Variants in SLC35D4 observed in about 807,000 individuals in gnomAD.
SLC35D4 encodes UDP-N-acetylglucosamine transporter SLC35D4.
the SLC35D4 span, among the ~76,000 whole-genome samples, chr18:23,410,547 G>A: frequency 3.3e-5 from 5 of 150,002 alleles, no homozygotes; most frequent in East Asian, 8.0e-4. Flanking sequence ...GCTCACGCCT[G>A]TAATCCCAGC....
At chr18:23,241,827 G>GAA in the SLC35D4 span, among the ~76,000 whole-genome samples, 3 of 152,178 alleles carry the variant, frequency 2.0e-5, no homozygotes, top group African/African-American at 7.2e-5. Flanking sequence ...CTTAGAGTGG[G>GAA]AAGCTTCCAG....
chr18:23,243,880 A>G, the SLC35D4 span, among the ~76,000 whole-genome samples: 13 of 152,128 alleles, frequency 8.5e-5, 1 homozygote, highest in East Asian at 3.9e-4. Flanking sequence ...TTCAAAAAAA[A>G]AAAAAAAAAA....
chr18:23,421,952 T>G, the SLC35D4 span, among the ~76,000 whole-genome samples: 1 of 151,746 alleles, frequency 6.6e-6, no homozygotes, highest in East Asian at 1.9e-4. Flanking sequence ...GCTGGCATTA[T>G]AGGCTTGAGC....
At chr18:23,411,150 A>AGGAAGGAG in the SLC35D4 span, among the ~76,000 whole-genome samples, 210 of 141,050 alleles carry the variant, frequency 1.5e-3, no homozygotes, top group Non-Finnish European at 2.8e-3. Context: ...GAAGGAAGGA[A>AGGAAGGAG]GGAAGGAGGG....
At chr18:23,309,280 C>G in the SLC35D4 span, among the ~76,000 whole-genome samples, 1 of 150,812 alleles carries the variant, frequency 6.6e-6, no homozygotes, top group Non-Finnish European at 1.5e-5. Context: ...GTTTACTAAA[C>G]ATTACATATT....
chr18:23,375,146 AAATAAT>A, the SLC35D4 span, among the ~76,000 whole-genome samples: 1 of 150,294 alleles, frequency 6.7e-6, no homozygotes, highest in Non-Finnish European at 1.5e-5. Flanking sequence ...ATAAATAAAT[AAATAAT>A]AATAATAATA....
chr18:23,434,045 C>T, the SLC35D4 span, among the ~76,000 whole-genome samples: 1 of 152,150 alleles, frequency 6.6e-6, no homozygotes, highest in Non-Finnish European at 1.5e-5. Flanking sequence ...TTGGCCTCTA[C>T]TTAGTCCAAG....
the SLC35D4 span, among the ~76,000 whole-genome samples, chr18:23,313,517 G>GAGCTGGGTGATCCTGGGTGA: frequency 2.0e-5 from 3 of 152,112 alleles, no homozygotes; most frequent in African/African-American, 7.2e-5. Context: ...GGGTGACAAG[G>GAGCTGGGTGATCCTGGGTGA]TCATCCAGGA....
the SLC35D4 span, among the ~76,000 whole-genome samples, chr18:23,283,091 T>C: frequency 5.9e-5 from 9 of 152,106 alleles, no homozygotes; most frequent in Non-Finnish European, 1.2e-4. Context: ...GAGATTGTAA[T>C]GTTACCAGAC....
chr18:23,323,093 T>C, the SLC35D4 span, among the ~76,000 whole-genome samples: 1 of 152,268 alleles, frequency 6.6e-6, no homozygotes, highest in South Asian at 2.1e-4. Flanking sequence ...AAGATGTTTT[T>C]ATTTTCTAAG....
At chr18:23,370,791 T>C in the SLC35D4 span, among the ~76,000 whole-genome samples, 1 of 152,220 alleles carries the variant, frequency 6.6e-6, no homozygotes, top group African/African-American at 2.4e-5. Context: ...CTTCCCACCA[T>C]TTCTAGAGAA....
the SLC35D4 span, chr18:23,377,618 C>G: frequency 6.4e-7 from 1 of 1,567,922 alleles, no homozygotes. Flanking sequence ...TATATTATGG[C>G]TTTTTGGGGG....
the SLC35D4 span, among the ~76,000 whole-genome samples, chr18:23,393,847 G>A: frequency 6.6e-6 from 1 of 152,156 alleles, no homozygotes; most frequent in Non-Finnish European, 1.5e-5. Context: ...TCGAACTCCT[G>A]ACCTCAGGTG....
chr18:23,261,463 A>C, the SLC35D4 span, among the ~76,000 whole-genome samples: 1 of 152,090 alleles, frequency 6.6e-6, no homozygotes, highest in African/African-American at 2.4e-5. Context: ...CTCTACTGAA[A>C]ATACAAAAAA....
At chr18:23,313,035 G>T in the SLC35D4 span, among the ~76,000 whole-genome samples, 6 of 146,050 alleles carry the variant, frequency 4.1e-5, no homozygotes, top group Non-Finnish European at 9.0e-5. Context: ...GCTGAGGCAG[G>T]AGAATCGCTG....
the SLC35D4 span, among the ~76,000 whole-genome samples, chr18:23,378,335 C>T: frequency 1.3e-5 from 2 of 152,098 alleles, no homozygotes; most frequent in African/African-American, 4.8e-5. Context: ...CTGCACCCAA[C>T]CTCAACTTCT....
chr18:23,299,905 G>A, the SLC35D4 span, among the ~76,000 whole-genome samples: 3 of 152,162 alleles, frequency 2.0e-5, no homozygotes, highest in African/African-American at 7.2e-5. Flanking sequence ...AACTATAACA[G>A]TGAAACTAAG....
the SLC35D4 span, among the ~76,000 whole-genome samples, chr18:23,341,833 A>G: frequency 6.6e-6 from 1 of 152,230 alleles, no homozygotes; most frequent in Non-Finnish European, 1.5e-5. Context: ...AAGAATTAGC[A>G]TTAAACCACA....
chr18:23,262,798 A>G, the SLC35D4 span, among the ~76,000 whole-genome samples: 1 of 152,238 alleles, frequency 6.6e-6, no homozygotes, highest in African/African-American at 2.4e-5. Flanking sequence ...AGATGAAGCA[A>G]TTGTCTGGTC....
Sources: allele counts gnomAD v4.1 joint callset (sites outside exome capture counted in the v4.1 genomes callset), GRCh38; gene constraint gnomAD v4.1.1; transcripts MANE v1.5; gene names NCBI Gene and HGNC (gene_info 2026-07-23, HGNC 2026-07-21).